Variants in CDK5RAP2 observed in about 807,000 individuals in gnomAD.
The protein encoded by CDK5RAP2 is CDK5 regulatory subunit-associated protein 2.
In CDK5RAP2, 147 loss-of-function variants were observed where a neutral mutation model predicts 232.9. The observed-to-expected ratio is 0.63, with a 90% confidence interval of 0.55 to 0.72. The LOEUF is 0.72. Ranked by LOEUF, CDK5RAP2 falls within the 30% of genes least tolerant of loss-of-function variation. CDK5RAP2 has a pLI of 0.00. For missense variants in CDK5RAP2, 2,195 were observed against 2,231.5 expected (o/e 0.98, Z 0.33); for synonymous variants, 833 against 833.7 (o/e 1.00, Z 0.01).
At chr9:120,563,094 C>T (rs1323334814) in intron 3 of CDK5RAP2, among the ~76,000 whole-genome samples, 2 of 152,080 alleles carry the variant, frequency 1.3e-5, no homozygotes, top group Admixed American at 1.3e-4. Context: ...TGCTAGAAGA[C>T]AGAATCATGA....
intron 25 of CDK5RAP2, among the ~76,000 whole-genome samples, chr9:120,424,964 T>A (rs1446946267): frequency 6.6e-6 from 1 of 152,172 alleles, no homozygotes; most frequent in Non-Finnish European, 1.5e-5. Flanking sequence ...CCCAAAGTGC[T>A]AGGATTACAG....
chr9:120,500,137 A>C (rs2039508103), intron 12 of CDK5RAP2, among the ~76,000 whole-genome samples: 1 of 152,208 alleles, frequency 6.6e-6, no homozygotes, highest in Non-Finnish European at 1.5e-5. Flanking sequence ...GTGGCGAGGC[A>C]GTGCCTAAAG....
At chr9:120,408,248 G>A (rs1219803828) in intron 31 of CDK5RAP2, 99 bp downstream of exon 31, 1 of 1,400,084 alleles carries the variant, frequency 7.1e-7, no homozygotes, top group South Asian at 1.2e-5. Context: ...AGGCCAGAGT[G>A]GAGAGGGCTG....
intron 25 of CDK5RAP2, among the ~76,000 whole-genome samples, chr9:120,430,704 C>T (rs1483142275): frequency 5.4e-5 from 8 of 149,348 alleles, no homozygotes; most frequent in Admixed American, 1.3e-4. Context: ...GTCAGTGTGG[C>T]GATTCCTCAG....
At chr9:120,545,572 A>G (rs946183874) in intron 5 of CDK5RAP2, 142 bp downstream of exon 5, 3 of 739,522 alleles carry the variant, frequency 4.1e-6, no homozygotes, top group African/African-American at 1.7e-5. Context: ...TGAAAAGTAA[A>G]TAATTAAGTA....
At chr9:120,425,459 C>T (rs1179983324) in intron 25 of CDK5RAP2, among the ~76,000 whole-genome samples, 1 of 152,200 alleles carries the variant, frequency 6.6e-6, no homozygotes, top group African/African-American at 2.4e-5. Context: ...CTTGTTGCTA[C>T]ACCTAAGAGA....
intron 3 of CDK5RAP2, among the ~76,000 whole-genome samples, chr9:120,551,900 C>A (rs1166035498): frequency 1.3e-5 from 2 of 152,100 alleles, no homozygotes; most frequent in African/African-American, 4.8e-5. Flanking sequence ...TCAGAGTGAA[C>A]AGGCAACCTA....
chr9:120,521,927 G>A (rs922243941), intron 11 of CDK5RAP2, among the ~76,000 whole-genome samples: 3 of 152,066 alleles, frequency 2.0e-5, no homozygotes, highest in South Asian at 2.1e-4. Context: ...TTACAGGCAC[G>A]AGCCACCGCA....
chr9:120,476,227 A>G (rs2038001752), intron 15 of CDK5RAP2, among the ~76,000 whole-genome samples: 1 of 151,926 alleles, frequency 6.6e-6, no homozygotes. Context: ...AAGGAAAAAA[A>G]AAAAACTACT....
intron 29 of CDK5RAP2, among the ~76,000 whole-genome samples, chr9:120,409,887 C>T (rs1019729203): frequency 6.6e-6 from 1 of 152,234 alleles, no homozygotes; most frequent in African/African-American, 2.4e-5. Flanking sequence ...CTTCACTTCT[C>T]CACGCCTGTT....
Position 120,568,358 on chromosome 9 carries a change from G to A in CDK5RAP2, c.158C>T (p.Ser53Phe). 6.2e-7 allele frequency: 1 copy of A among 1,613,892 alleles called. No individual in the cohort carries two copies. Among genetic ancestry groups the A allele is most frequent in the Non-Finnish European group, 8.5e-7 (1 of 1,179,760 alleles). The change falls in exon 3 of 38, where the codon TCT (serine) becomes TTT (phenylalanine). Residue 53 changes from serine to phenylalanine, a missense_variant. By Grantham distance (155) the Ser-to-Phe change is radical (BLOSUM62 -2). Coordinates refer to ENST00000349780, the MANE Select transcript of CDK5RAP2 (RefSeq NM_018249.6). ...CTTCATGTTCCGTGCTCTGGTGGGA[G>A]ACACTGTTTCTTCTGACACATTTGG... Reference protein sequence around the residue: ...LLPNVSEETVSPTRARNMKDF... With the variant: ...LLPNVSEETVFPTRARNMKDF...
chr9:120,446,375 C>T (rs561708229), intron 22 of CDK5RAP2, among the ~76,000 whole-genome samples: 7 of 152,142 alleles, frequency 4.6e-5, no homozygotes, highest in Non-Finnish European at 5.9e-5. Context: ...TACAGGCACG[C>T]GCCACCATGC....
chr9:120,544,922 G>A (rs1023946516), intron 5 of CDK5RAP2, among the ~76,000 whole-genome samples: 1 of 152,136 alleles, frequency 6.6e-6, no homozygotes, highest in Admixed American at 6.5e-5. Context: ...TGTTAGACTC[G>A]AAATACTTGT....
At chr9:120,431,406 T>C (rs1360359893) in intron 25 of CDK5RAP2, among the ~76,000 whole-genome samples, 3 of 152,210 alleles carry the variant, frequency 2.0e-5, no homozygotes, top group Non-Finnish European at 4.4e-5. Flanking sequence ...CTGTCTGACT[T>C]AGACCAAGTG....
intron 2 of CDK5RAP2, among the ~76,000 whole-genome samples, chr9:120,569,486 G>A (rs975599129): frequency 2.1e-5 from 2 of 97,302 alleles, no homozygotes; most frequent in African/African-American, 6.4e-5. Context: ...GGTGACATCT[G>A]GGCAGACTTG....
intron 10 of CDK5RAP2, among the ~76,000 whole-genome samples, chr9:120,526,204 T>G (rs540880458): frequency 3.4e-4 from 52 of 152,328 alleles, no homozygotes; most frequent in African/African-American, 1.2e-3. Flanking sequence ...TCTTCAGGAC[T>G]GAGCTCTCTC....
At chr9:120,389,607 T>G in intron 37 of CDK5RAP2, 134 bp downstream of exon 37, 4 of 846,874 alleles carry the variant, frequency 4.7e-6, no homozygotes, top group Non-Finnish European at 7.9e-6. Flanking sequence ...CATGCACTGC[T>G]GGCAGAAACA....
rs1240666406 is a variant in CDK5RAP2, at chr9:120,536,989, A to AC, written c.508-464_508-463insG. On this transcript the variant is annotated intron_variant, in intron 6 of 37. Coordinates refer to ENST00000349780, the MANE Select transcript of CDK5RAP2 (RefSeq NM_018249.6). ...GGTGATTCAGTTGGGAAAAAAAAAA[A>AC]AAAAACAACTGTATGTTCTTCCCAA... 2.6e-5 allele frequency among the ~76,000 whole-genome samples: 4 copies of AC among 152,070 alleles called. No individual in the cohort carries two copies. In the East Asian group the frequency reaches 5.8e-4, roughly 22 times the overall value.
At chr9:120,545,141 A>G (rs1229275689) in intron 5 of CDK5RAP2, among the ~76,000 whole-genome samples, 1 of 152,178 alleles carries the variant, frequency 6.6e-6, no homozygotes, top group Non-Finnish European at 1.5e-5. Context: ...AAGAAAAAAA[A>G]AAGACATTTA....
Sources: gnomAD v4.1 joint callset for allele counts (sites outside exome capture counted in the v4.1 genomes callset) on GRCh38, gnomAD v4.1.1 for gene constraint, MANE v1.5 for transcripts, NCBI Gene and HGNC (gene_info 2026-07-23, HGNC 2026-07-21) for gene names.